The following CNTLN variants were observed in gnomAD, a reference collection of about 807,000 sequenced individuals.
CNTLN encodes centlein, centrosomal protein.
In CNTLN, 212 loss-of-function variants were observed where a neutral mutation model predicts 180.0. The observed-to-expected ratio is 1.18, with a 90% CI of 1.05 to 1.32. CNTLN has a LOEUF of 1.32. Ranked by LOEUF, CNTLN falls within the 40% of genes most tolerant of loss-of-function variation. The pLI is 0.00. For synonymous variants in CNTLN, 722 were observed against 563.1 expected (o/e 1.28, Z -3.99); for missense variants, 2,095 against 1,610.9 (o/e 1.30, Z -5.14).
intron 22 of CNTLN, 69 bp from the exon 23 acceptor site, chr9:17,466,637 A>T: frequency 8.2e-7 from 1 of 1,221,650 alleles, no homozygotes; most frequent in Non-Finnish European, 1.1e-6. Context: ...CTTATTTGAC[A>T]TGTATAACTA....
At chr9:17,527,191 T>A in the CNTLN span, among the ~76,000 whole-genome samples, 2 of 152,052 alleles carry the variant, frequency 1.3e-5, no homozygotes, top group South Asian at 2.1e-4. Context: ...CCACCTAACT[T>A]CTTATAAAAA....
intron 8 of CNTLN, among the ~76,000 whole-genome samples, chr9:17,329,625 G>A (rs1358006625): frequency 1.3e-5 from 2 of 151,764 alleles, no homozygotes; most frequent in Non-Finnish European, 2.9e-5. Flanking sequence ...CAAATTGCAG[G>A]TTAGAATTAG....
intron 2 of CNTLN, among the ~76,000 whole-genome samples, chr9:17,202,780 ACT>A (rs754156003): frequency 2.2e-4 from 33 of 149,276 alleles, no homozygotes; most frequent in Middle Eastern, 7.1e-3. Context: ...ATGGGTCTTG[ACT>A]CTAACCAATT....
intron 9 of CNTLN, among the ~76,000 whole-genome samples, chr9:17,331,051 C>G (rs1424884727): frequency 2.6e-5 from 4 of 151,896 alleles, no homozygotes; most frequent in Non-Finnish European, 5.9e-5. Flanking sequence ...CCCATTTTGT[C>G]AGTAAATTAA....
intron 2 of CNTLN, among the ~76,000 whole-genome samples, chr9:17,191,477 G>C (rs542133003): frequency 3.7e-4 from 57 of 152,244 alleles, no homozygotes; most frequent in Non-Finnish European, 5.9e-4. Flanking sequence ...ACACATTCTG[G>C]GTACTATGGG....
rs145994536 is a variant in CNTLN, at chr9:17,295,638, C to T, written c.984-2552C>T. Among the ~76,000 whole-genome samples the T allele has an allele frequency of 4.9e-3, 749 of 152,156 alleles. 4 individuals are homozygous for T. Among genetic ancestry groups the T allele is most frequent in the African/African-American group, 0.017 (696 of 41,542 alleles). ...GCTGTTTCTAGTCGGCCATCTTGGC[C>T]CGCCCTGTTTTTCTTTACTTATTTT... On this transcript the variant is annotated intron_variant, in intron 6 of 25. Transcript: ENST00000380647.
chr9:17,280,832 A>T (rs1447812773), intron 6 of CNTLN, among the ~76,000 whole-genome samples: 1 of 152,188 alleles, frequency 6.6e-6, no homozygotes, highest in Non-Finnish European at 1.5e-5. Flanking sequence ...GTAAATGCAG[A>T]AAAAGACTCT....
At chr9:17,488,932 A>G (rs1354906016) in intron 25 of CNTLN, among the ~76,000 whole-genome samples, 1 of 152,132 alleles carries the variant, frequency 6.6e-6, no homozygotes, top group Admixed American at 6.6e-5. Flanking sequence ...GTGCCTTTAG[A>G]TCATTTTTCA....
intron 2 of CNTLN, among the ~76,000 whole-genome samples, chr9:17,170,085 A>G (rs1820331477): frequency 6.6e-6 from 1 of 152,034 alleles, no homozygotes; most frequent in South Asian, 2.1e-4. Flanking sequence ...TATAGTTTTC[A>G]GTTATAGATC....
At chr9:17,178,403 C>G (rs1030424983) in intron 2 of CNTLN, among the ~76,000 whole-genome samples, 6 of 152,234 alleles carry the variant, frequency 3.9e-5, no homozygotes, top group South Asian at 2.1e-4. Context: ...GTCCCGTGCC[C>G]TGTGCCCGCA....
chr9:17,142,038 C>G (rs552883996), intron 1 of CNTLN, among the ~76,000 whole-genome samples: 1 of 147,920 alleles, frequency 6.8e-6, no homozygotes, highest in East Asian at 2.0e-4. Flanking sequence ...GCCGAGATTG[C>G]GCCACTGCAC....
chr9:17,335,001 T>C (rs930408725), intron 10 of CNTLN, among the ~76,000 whole-genome samples: 2 of 150,794 alleles, frequency 1.3e-5, no homozygotes, highest in Non-Finnish European at 2.9e-5. Context: ...CCAAAAACTA[T>C]AGAACCAGGA....
At chr9:17,297,443 A>G (rs1395621643) in intron 6 of CNTLN, among the ~76,000 whole-genome samples, 1 of 152,190 alleles carries the variant, frequency 6.6e-6, no homozygotes, top group African/African-American at 2.4e-5. Flanking sequence ...TATACAAAAG[A>G]ATTCCCAGTT....
intron 2 of CNTLN, among the ~76,000 whole-genome samples, chr9:17,212,579 T>G (rs1007865547): frequency 5.3e-5 from 8 of 152,214 alleles, no homozygotes; most frequent in Non-Finnish European, 7.3e-5. Context: ...TAGAATGAGT[T>G]AGGGAGGATT....
At chr9:17,297,043 G>A (rs600133) in intron 6 of CNTLN, among the ~76,000 whole-genome samples, 30,352 of 151,912 alleles carry the variant, frequency 0.2, 3,747 homozygotes, top group African/African-American at 0.34. Flanking sequence ...AAGTACAATC[G>A]GCCTTTCATA....
chr9:17,358,371 G>GTA (rs1368914592), intron 12 of CNTLN, among the ~76,000 whole-genome samples: 1 of 152,038 alleles, frequency 6.6e-6, no homozygotes, highest in African/African-American at 2.4e-5. Flanking sequence ...TTGAATAACA[G>GTA]TATATATACT....
chr9:17,193,926 T>C (rs59453259), intron 2 of CNTLN, among the ~76,000 whole-genome samples: 3,156 of 152,340 alleles, frequency 0.021, 66 homozygotes, highest in African/African-American at 0.056. Flanking sequence ...AATTCTTGAC[T>C]TCTGTGCACT....
At chr9:17,257,043 G>C (rs1049315944) in intron 5 of CNTLN, among the ~76,000 whole-genome samples, 3 of 151,836 alleles carry the variant, frequency 2.0e-5, no homozygotes, top group African/African-American at 7.3e-5. Flanking sequence ...AGTTACATAT[G>C]TATACATGTG....
At chr9:17,475,601 A>G (rs529265842) in intron 23 of CNTLN, among the ~76,000 whole-genome samples, 34 of 152,126 alleles carry the variant, frequency 2.2e-4, no homozygotes, top group Middle Eastern at 3.4e-3. Context: ...GGCCGGGCAC[A>G]GTGGCTCACG....
Sources: allele counts gnomAD v4.1 joint callset (sites outside exome capture counted in the v4.1 genomes callset), GRCh38; gene constraint gnomAD v4.1.1; transcripts MANE v1.5; gene names NCBI Gene and HGNC (gene_info 2026-07-23, HGNC 2026-07-21).